NRG1: variants seen among roughly 807,000 people sequenced by gnomAD.
NRG1 encodes the protein pro-neuregulin-1, membrane-bound isoform.
NRG1 carries 18 observed loss-of-function variants against 63.8 expected under a neutral mutation model. The ratio of observed to expected loss-of-function variants is 0.28; its 90% CI spans 0.19 to 0.42. NRG1 has a LOEUF of 0.42. Among genes scored for constraint, NRG1 ranks in the 10% least tolerant of loss-of-function variants. The probability of loss-of-function intolerance (pLI) is 1.00; values close to 1 mark genes in which losing one functional copy is unlikely to be tolerated. For missense variants in NRG1, 762 were observed against 814.7 expected (o/e 0.94, Z 0.79); for synonymous variants, 302 against 301.3 (o/e 1.00, Z -0.02).
chr8:31,907,098 G>A (rs1268183759), intron 1 of NRG1, among the ~76,000 whole-genome samples: 1 of 152,106 alleles, frequency 6.6e-6, no homozygotes, highest in Non-Finnish European at 1.5e-5. Context: ...GACTGTAAGG[G>A]AAACCAGGTA....
chr8:32,583,047 T>C (rs1027231220), intron 1 of NRG1, among the ~76,000 whole-genome samples: 1 of 151,620 alleles, frequency 6.6e-6, no homozygotes, highest in African/African-American at 2.4e-5. Flanking sequence ...TTCCAGCTAC[T>C]TTTTTTTTCT....
exon 6 of NRG1, chr8:32,728,058 C>G (rs1822675890): frequency 1.2e-6 from 2 of 1,613,906 alleles, no homozygotes; most frequent in Admixed American, 1.7e-5. Context: ...ACCTTTCAAA[C>G]CCCTCGAGAT....
At chr8:31,639,535 C>T in intron 1 of NRG1, 1 of 1,475,798 alleles carries the variant, frequency 6.8e-7, no homozygotes, top group Non-Finnish European at 9.0e-7. Context: ...GCGCTCTCTC[C>T]CAGCCGCTTG....
chr8:31,688,441 C>T (rs1447376374), intron 1 of NRG1, among the ~76,000 whole-genome samples: 1 of 152,176 alleles, frequency 6.6e-6, no homozygotes, highest in African/African-American at 2.4e-5. Flanking sequence ...ACCTCTCAGT[C>T]TCCAGAGCCA....
At chr8:32,373,648 G>A (rs376267205) in intron 1 of NRG1, among the ~76,000 whole-genome samples, 23 of 152,170 alleles carry the variant, frequency 1.5e-4, no homozygotes, top group African/African-American at 4.1e-4. Flanking sequence ...AGTGGTGGCA[G>A]GCACCTGTAA....
In NRG1 at chr8:32,152,784, CA is replaced by C. The variant is rs1003715946; in HGVS notation, c.38-443036del. On this transcript the variant is annotated intron_variant, in intron 1 of 10. Coordinates refer to the NRG1 transcript ENST00000519301. ...CAAATTTGCTCATCCACTTTCAAGTCAAAAAAAAGTTTTAAATTAGATAAAA... is the reference window on the plus strand; with the variant it reads ...CAAATTTGCTCATCCACTTTCAAGTCAAAAAAAGTTTTAAATTAGATAAAA... 1.3e-3 allele frequency among the ~76,000 whole-genome samples: 193 copies of C among 151,854 alleles called. 1 individual carries two copies. Among genetic ancestry groups the C allele is most frequent in the African/African-American group, 4.3e-3 (177 of 41,422 alleles).
intron 1 of NRG1, among the ~76,000 whole-genome samples, chr8:32,520,025 T>C (rs1441850478): frequency 2.0e-5 from 3 of 152,118 alleles, no homozygotes; most frequent in Non-Finnish European, 4.4e-5. Context: ...TACACACACA[T>C]ACCCTCATAT....
intron 1 of NRG1, among the ~76,000 whole-genome samples, chr8:31,748,457 A>T (rs1161945204): frequency 2.0e-5 from 3 of 151,848 alleles, no homozygotes; most frequent in African/African-American, 7.2e-5. Context: ...TTTGCCTTTA[A>T]CTATTTCACA....
At chr8:32,616,289 T>C (rs1274938601) in intron 4 of NRG1, among the ~76,000 whole-genome samples, 5 of 152,080 alleles carry the variant, frequency 3.3e-5, no homozygotes. Flanking sequence ...CATGGTTTGT[T>C]TGATCCTAAT....
At chr8:32,478,977 A>C (rs1824884648) in intron 1 of NRG1, among the ~76,000 whole-genome samples, 1 of 152,194 alleles carries the variant, frequency 6.6e-6, no homozygotes, top group Non-Finnish European at 1.5e-5. Flanking sequence ...ATTGAGTTCT[A>C]CTGGGGAAAA....
chr8:32,669,549 A>T (rs150326728), intron 5 of NRG1, among the ~76,000 whole-genome samples: 2 of 152,314 alleles, frequency 1.3e-5, no homozygotes, highest in South Asian at 2.1e-4. Context: ...GAAGGAGATA[A>T]GTAAAGTAAG....
intron 1 of NRG1, among the ~76,000 whole-genome samples, chr8:31,927,959 G>A (rs1384023176): frequency 6.9e-6 from 1 of 145,756 alleles, no homozygotes; most frequent in East Asian, 2.0e-4. Context: ...GTTGGTGTGT[G>A]CACCCATTAA....
chr8:32,227,709 G>T (rs1468371314), intron 1 of NRG1, among the ~76,000 whole-genome samples: 1 of 152,104 alleles, frequency 6.6e-6, no homozygotes, highest in African/African-American at 2.4e-5. Context: ...CCCCAGGGGA[G>T]ACCAAGCTCA....
intron 1 of NRG1, among the ~76,000 whole-genome samples, chr8:32,355,654 T>A (rs946579722): frequency 3.0e-5 from 4 of 133,570 alleles, no homozygotes; most frequent in African/African-American, 1.1e-4. Context: ...AAGACAGGGA[T>A]GGAGAAAGAA....
At chr8:32,763,802 G>A (rs769613779) in exon 12 of NRG1, 72 of 1,592,178 alleles carry the variant, frequency 4.5e-5, no homozygotes, top group Non-Finnish European at 5.8e-5. Context: ...ATTTCCACAC[G>A]CCAAGCTCCC....
At chr8:32,172,990 G>A (rs141643033) in intron 1 of NRG1, among the ~76,000 whole-genome samples, 3 of 151,956 alleles carry the variant, frequency 2.0e-5, no homozygotes, top group East Asian at 3.9e-4. Flanking sequence ...TACAGAGAAC[G>A]CCACAAAGAT....
At chr8:31,832,667 A>G (rs1001406581) in intron 1 of NRG1, among the ~76,000 whole-genome samples, 1 of 152,144 alleles carries the variant, frequency 6.6e-6, no homozygotes, top group Non-Finnish European at 1.5e-5. Flanking sequence ...ATTTCTTTCA[A>G]TAATTTCAAC....
chr8:32,186,889 T>A (rs1031767734), intron 1 of NRG1, among the ~76,000 whole-genome samples: 1 of 152,164 alleles, frequency 6.6e-6, no homozygotes, highest in African/African-American at 2.4e-5. Context: ...GAACCTTAGC[T>A]ATTTCTGTGC....
At chr8:32,683,886 T>TTAAAA (rs1563939414) in intron 5 of NRG1, among the ~76,000 whole-genome samples, 2 of 132,680 alleles carry the variant, frequency 1.5e-5, no homozygotes, top group Admixed American at 7.5e-5. Context: ...ATTTGCTTCT[T>TTAAAA]GAAAAAAAAA....
Sources: allele counts gnomAD v4.1 joint callset (sites outside exome capture counted in the v4.1 genomes callset), GRCh38; gene constraint gnomAD v4.1.1; transcripts MANE v1.5; gene names NCBI Gene and HGNC (gene_info 2026-07-23, HGNC 2026-07-21).